The following COL28A1 variants were observed in gnomAD, a reference collection of about 807,000 sequenced individuals.
The protein encoded by COL28A1 is collagen type XXVIII alpha 1 chain, also known as collagen alpha-1(XXVIII) chain.
A neutral mutation model predicts 150.2 loss-of-function variants in COL28A1; 161 were observed. The ratio of observed to expected loss-of-function variants is 1.07; its 90% confidence interval spans 0.94 to 1.22. COL28A1 has a LOEUF of 1.22. COL28A1 is among the 50% of genes most tolerant of loss of function. The pLI, the probability that COL28A1 is intolerant of heterozygous loss-of-function variation, is 0.00. For synonymous variants in COL28A1, 552 were observed against 469.7 expected, an observed-to-expected ratio of 1.18 and a Z score of -2.26; for missense variants, 1,617 against 1,388.3, an observed-to-expected ratio of 1.16 and a Z score of -2.62.
rs534249429 is a variant in COL28A1, at chr7:7,428,785, A to G, written c.1998+3688T>C. Among the ~76,000 whole-genome samples, 10 of 152,334 alleles carry G rather than the reference A, an allele frequency of 6.6e-5. No homozygotes were observed. The East Asian group carries it at 1.4e-3, about 21-fold the overall frequency. On this transcript the variant is annotated intron_variant, in intron 25 of 34. Transcript: ENST00000399429. ...TGTTTCAAAGGTGAGTTTAAAATCT[A>G]TATCTCCTCTCTCCTTCAAAGTTGT...
At chr7:7,496,000 T>C (rs1046878961) in intron 11 of COL28A1, among the ~76,000 whole-genome samples, 2 of 152,184 alleles carry the variant, frequency 1.3e-5, no homozygotes, top group African/African-American at 4.8e-5. Context: ...TTGCTCCTCC[T>C]GCCACAGGAT....
At chr7:7,413,987 T>C (rs1290341410) in intron 27 of COL28A1, among the ~76,000 whole-genome samples, 1 of 152,144 alleles carries the variant, frequency 6.6e-6, no homozygotes, top group Non-Finnish European at 1.5e-5. Flanking sequence ...AAATAAGTAC[T>C]AAGGGAATGT....
intron 27 of COL28A1, among the ~76,000 whole-genome samples, chr7:7,403,110 G>A (rs1405639744): frequency 3.3e-5 from 5 of 152,118 alleles, no homozygotes; most frequent in Non-Finnish European, 2.9e-5. Flanking sequence ...CAAGAGACAG[G>A]GAAGGCTTCT....
At chr7:7,407,693 C>T (rs1294597) in intron 27 of COL28A1, among the ~76,000 whole-genome samples, 22,012 of 151,762 alleles carry the variant, frequency 0.15, 1,725 homozygotes, top group Middle Eastern at 0.22. Flanking sequence ...CTAAAGAATA[C>T]AATGCAGGCA....
rs193161636 is a variant in COL28A1 at position 7,487,375 on chromosome 7, C to T, written c.1164+2014G>A. On this transcript the variant is annotated intron_variant, in intron 13 of 34. Transcript: ENST00000399429. The stretch of plus-strand genomic sequence containing the variant: ...GGTTCATCACCTGAGGTCAGGAGTT[C>T]GAGACCAGCCTGGCCAATATGGTGA... 8.0e-3 allele frequency among the ~76,000 whole-genome samples: 1,216 copies of T among 152,146 alleles called. 11 individuals carry two copies. Among genetic ancestry groups the T allele is most frequent in the Middle Eastern group, 0.014 (4 of 292 alleles).
intron 25 of COL28A1, among the ~76,000 whole-genome samples, chr7:7,425,978 A>G (rs1784625976): frequency 6.6e-6 from 1 of 152,172 alleles, no homozygotes; most frequent in Non-Finnish European, 1.5e-5. Context: ...CCACACACTA[A>G]TGAGGCTTTA....
intron 33 of COL28A1, among the ~76,000 whole-genome samples, chr7:7,364,579 C>T (rs570717404): frequency 6.6e-6 from 1 of 152,284 alleles, no homozygotes; most frequent in Admixed American, 6.5e-5. Flanking sequence ...CTAACCACCC[C>T]TTTGAGCTAC....
At chr7:7,437,590 C>G in intron 21 of COL28A1, 128 bp from the exon 22 acceptor site, 3 of 1,332,262 alleles carry the variant, frequency 2.3e-6, no homozygotes, top group Non-Finnish European at 2.9e-6. Flanking sequence ...TTTCAAAGAC[C>G]AATGTGAAAA....
intron 16 of COL28A1, among the ~76,000 whole-genome samples, chr7:7,455,018 GTAA>G (rs1370240492): frequency 1.3e-5 from 2 of 152,052 alleles, no homozygotes; most frequent in Non-Finnish European, 2.9e-5. Context: ...AGCAAGAAAA[GTAA>G]TAATAATAAT....
intron 13 of COL28A1, among the ~76,000 whole-genome samples, chr7:7,479,461 G>A (rs1789215958): frequency 6.6e-6 from 1 of 152,210 alleles, no homozygotes; most frequent in African/African-American, 2.4e-5. Context: ...GATGCAGAGT[G>A]ATTTAATAAT....
chr7:7,358,414 G>GT lies in COL28A1; in HGVS notation c.*218_*219insA. The GT allele has an allele frequency of 2.3e-6, 1 of 437,544 alleles. No homozygotes were observed. The highest frequency in any genetic ancestry group is 4.2e-5 in the South Asian group (1 of 23,982). The allele number at this position is 437,544 out of a possible 1,614,324, so 27.1% of individuals were successfully genotyped here. A position where few individuals can be genotyped will look rare whatever the true frequency, so the allele number is the denominator to read the frequency against. Reference sequence around the variant, plus strand: ...CAGCTCTGAAACTTTTTAGTTGGGTGACAGTTGACAAGTTACTAAACTTCT... The same window carrying GT: ...CAGCTCTGAAACTTTTTAGTTGGGTGTACAGTTGACAAGTTACTAAACTTCT... On this transcript the variant is annotated 3_prime_UTR_variant, in exon 35 of 35. Coordinates refer to ENST00000399429, the MANE Select transcript of COL28A1 (RefSeq NM_001037763.3).
chr7:7,425,413 T>C (rs894519841), intron 25 of COL28A1, among the ~76,000 whole-genome samples: 7 of 152,186 alleles, frequency 4.6e-5, no homozygotes, highest in Non-Finnish European at 8.8e-5. Flanking sequence ...AGTCACACCC[T>C]CTCAAGGAGA....
Position 7,401,379 on chromosome 7 carries a change from C to T in COL28A1, c.2136+16480G>A, listed in dbSNP as rs117849896. On this transcript the variant is annotated intron_variant, in intron 27 of 34. Transcript: ENST00000399429. ...ATAAAATTTATATCTCTTGTCCTGACCTCTCCCCTGAACTCCAGATTTCTA... is the reference window on the plus strand; with the variant it reads ...ATAAAATTTATATCTCTTGTCCTGATCTCTCCCCTGAACTCCAGATTTCTA... 3.6e-4 allele frequency among the ~76,000 whole-genome samples: 55 copies of T among 152,230 alleles called. 1 individual carries two copies. The East Asian group carries it at 0.01, about 29-fold the overall frequency.
intron 22 of COL28A1, 60 bp from the exon 23 acceptor site, chr7:7,436,523 T>C (rs1399475624): frequency 9.0e-6 from 8 of 893,738 alleles, no homozygotes; most frequent in Admixed American, 1.7e-5. Context: ...CAAGCACACA[T>C]AGCAAAAAAA....
chr7:7,434,485 C>T (rs1203278677), intron 23 of COL28A1, among the ~76,000 whole-genome samples: 2 of 152,146 alleles, frequency 1.3e-5, no homozygotes, highest in South Asian at 2.1e-4. Context: ...AACAGCTCCC[C>T]GGTTGAATTA....
intron 11 of COL28A1, 109 bp from the exon 12 acceptor site, chr7:7,490,755 A>G: frequency 1.8e-6 from 1 of 563,826 alleles, no homozygotes; most frequent in Non-Finnish European, 3.1e-6. Context: ...GAGCAACAAC[A>G]AACCTGTACA....
chr7:7,541,553 G>A, the COL28A1 span, among the ~76,000 whole-genome samples: 7 of 152,114 alleles, frequency 4.6e-5, no homozygotes, highest in Non-Finnish European at 8.8e-5. Context: ...CTCTGCATGG[G>A]TCTTCAGGAA....
intron 18 of COL28A1, among the ~76,000 whole-genome samples, chr7:7,447,151 C>G (rs372245285): frequency 7.2e-4 from 110 of 152,172 alleles, no homozygotes; most frequent in African/African-American, 2.5e-3. Context: ...GTAGTCTTAC[C>G]TAATAAAACT....
the COL28A1 span, among the ~76,000 whole-genome samples, chr7:7,341,966 C>T: frequency 6.6e-6 from 1 of 152,102 alleles, no homozygotes; most frequent in Non-Finnish European, 1.5e-5. Flanking sequence ...CATCAAATTA[C>T]TTAATCATGT....
Sources: allele counts gnomAD v4.1 joint callset (sites outside exome capture counted in the v4.1 genomes callset), GRCh38; gene constraint gnomAD v4.1.1; transcripts MANE v1.5; gene names NCBI Gene and HGNC (gene_info 2026-07-23, HGNC 2026-07-21).